The following USP8 variants were observed in gnomAD, a reference collection of about 807,000 sequenced individuals.
USP8 encodes the protein ubiquitin carboxyl-terminal hydrolase 8.
Under a neutral mutation model 130.0 loss-of-function variants are expected in USP8, and 27 were observed. The ratio of observed to expected loss-of-function variants is 0.21; its 90% CI spans 0.15 to 0.29. The LOEUF (loss-of-function observed/expected upper bound fraction) is 0.29, where lower values mean the gene tolerates loss of function less well. USP8 is among the 10% of genes least tolerant of loss of function. The probability of loss-of-function intolerance (pLI) is 1.00; values close to 1 mark genes in which losing one functional copy is unlikely to be tolerated. For synonymous variants in USP8, 392 were observed against 444.1 expected, an observed-to-expected ratio of 0.88 and a Z score of 1.48; for missense variants, 1,029 against 1,312.2, an observed-to-expected ratio of 0.78 and a Z score of 3.33.
intron 4 of USP8, among the ~76,000 whole-genome samples, chr15:50,449,710 T>C (rs578182009): frequency 6.2e-4 from 93 of 151,180 alleles, no homozygotes; most frequent in African/African-American, 2.2e-3. Context: ...ACCTCCCAAG[T>C]AGCTGGGACT....
rs1008188664 is a variant in USP8 at position 50,462,144 on chromosome 15, C to G, written c.499-136C>G. Reference sequence around the variant, plus strand: ...ACCTTTTAATATCATTATTATTCGTCTGCGTTTTTATAAAAGGCCAGTACT... The same window carrying G: ...ACCTTTTAATATCATTATTATTCGTGTGCGTTTTTATAAAAGGCCAGTACT... On this transcript the variant is annotated intron_variant, in intron 5 of 19. Coordinates refer to ENST00000307179, the MANE Select transcript of USP8 (RefSeq NM_005154.5). 4 of 622,038 alleles carry G rather than the reference C, an allele frequency of 6.4e-6. No homozygotes were observed. The South Asian group carries it at 8.9e-5, about 14-fold the overall frequency. The allele number at this position is 622,038 out of a possible 1,614,324, so 38.5% of individuals were successfully genotyped here. A position where few individuals can be genotyped will look rare whatever the true frequency, so the allele number is the denominator to read the frequency against.
At chr15:50,480,460 C>T (rs573884598) in intron 10 of USP8, among the ~76,000 whole-genome samples, 29 of 152,044 alleles carry the variant, frequency 1.9e-4, no homozygotes, top group Admixed American at 5.2e-4. Flanking sequence ...ATCAGAATTC[C>T]GGTAGAGAAG....
chr15:50,441,001 CA>C (rs34390770), intron 2 of USP8, among the ~76,000 whole-genome samples: 40,913 of 135,254 alleles, frequency 0.3, 6,086 homozygotes, highest in African/African-American at 0.42. Context: ...GACCCCATCT[CA>C]AAAAAAAAAA....
intron 4 of USP8, among the ~76,000 whole-genome samples, chr15:50,457,324 G>A (rs1255055409): frequency 2.6e-5 from 4 of 152,004 alleles, no homozygotes; most frequent in Admixed American, 1.3e-4. Context: ...TTGGGAGGCC[G>A]AGGCAGGTGG....
chr15:50,473,315 TC>T (rs1447116282), intron 8 of USP8, among the ~76,000 whole-genome samples: 5 of 152,154 alleles, frequency 3.3e-5, no homozygotes, highest in African/African-American at 1.2e-4. Flanking sequence ...ACACATATTC[TC>T]TCATGTAATT....
intron 8 of USP8, 30 bp downstream of exon 8, chr15:50,471,825 A>C: frequency 6.2e-7 from 1 of 1,611,004 alleles, no homozygotes; most frequent in Non-Finnish European, 8.5e-7. Flanking sequence ...AGTTTATTGT[A>C]ATTGCAGGGC....
intron 7 of USP8, among the ~76,000 whole-genome samples, 186 bp from the exon 8 acceptor site, chr15:50,471,447 A>C (rs1235896436): frequency 6.6e-6 from 1 of 152,236 alleles, no homozygotes; most frequent in South Asian, 2.1e-4. Context: ...AATATTATAC[A>C]GTAGTGAAGG....
chr15:50,450,445 T>TTTAGTCG (rs2050588990), intron 4 of USP8, among the ~76,000 whole-genome samples: 2 of 151,404 alleles, frequency 1.3e-5, no homozygotes, highest in South Asian at 4.2e-4. Context: ...TGTTTCAGTT[T>TTTAGTCG]TTAGTCGTTA....
intron 4 of USP8, among the ~76,000 whole-genome samples, chr15:50,450,780 G>T (rs3098205): frequency 0.54 from 82,122 of 151,938 alleles, 22,983 homozygotes; most frequent in African/African-American, 0.69. Context: ...CATTAGTCAT[G>T]CTTTAAAATT....
Position 50,432,112 on chromosome 15 carries a change from A to G in USP8, c.-65-6897A>G, listed in dbSNP as rs1003070837. ...CCCATTACTGTATTTAAGGAATGAT[A>G]TAGATCACAAGCATTGTAGGATTCA... On this transcript the variant is annotated intron_variant, in intron 1 of 19. Transcript: ENST00000307179. Among the ~76,000 whole-genome samples, 6 of 152,210 alleles carry G rather than the reference A, an allele frequency of 3.9e-5. No homozygotes were observed. The South Asian group carries it at 6.2e-4, about 16-fold the overall frequency.
rs1023166561 is a variant in USP8, at chr15:50,514,218, T to G, written c.*15130T>G. 6.6e-6 allele frequency: 1 copy of G among 152,142 alleles called. No homozygotes were observed. Among genetic ancestry groups the G allele is most frequent in the Non-Finnish European group, 1.5e-5 (1 of 68,028 alleles). The allele number at this position is 152,142 out of a possible 1,614,324, so 9.4% of individuals were successfully genotyped here. A position where few individuals can be genotyped will look rare whatever the true frequency, so the allele number is the denominator to read the frequency against. On this transcript the variant is annotated 3_prime_UTR_variant, in exon 20 of 20. Coordinates refer to ENST00000307179, the MANE Select transcript of USP8 (RefSeq NM_005154.5). ...AAGCATAAAATCAGGCAAAAATCTA[T>G]AAATCTGTCCTGCCAGAAGTCAGTG...
At chr15:50,493,893 G>T in intron 15 of USP8, 177 bp from the exon 16 acceptor site, 1 of 805,788 alleles carries the variant, frequency 1.2e-6, no homozygotes, top group East Asian at 2.5e-5. Flanking sequence ...GAAGCTGAAG[G>T]GATGTAAGCA....
At chr15:50,437,367 C>T (rs975757988) in intron 1 of USP8, among the ~76,000 whole-genome samples, 2 of 152,156 alleles carry the variant, frequency 1.3e-5, no homozygotes, top group Admixed American at 6.5e-5. Context: ...AGTTTTACCT[C>T]ATTTATATCT....
intron 10 of USP8, among the ~76,000 whole-genome samples, chr15:50,481,262 G>A (rs561942664): frequency 2.0e-5 from 3 of 152,296 alleles, no homozygotes; most frequent in South Asian, 2.1e-4. Context: ...AGAATTGAAA[G>A]TGTTGAATCA....
At chr15:50,491,872 AT>A (rs928608887) in intron 14 of USP8, among the ~76,000 whole-genome samples, 39 of 147,708 alleles carry the variant, frequency 2.6e-4, no homozygotes, top group East Asian at 3.9e-4. Flanking sequence ...CAACTAAGGA[AT>A]TTTTTTTTTT....
chr15:50,453,355 ATAATT>A (rs2141271143), intron 4 of USP8, among the ~76,000 whole-genome samples: 1 of 152,314 alleles, frequency 6.6e-6, no homozygotes, highest in African/African-American at 2.4e-5. Context: ...GTAGAACTTT[ATAATT>A]TATTTTGAAA....
chr15:50,510,576 T>C lies in USP8; in HGVS notation c.*11488T>C, dbSNP rs2052722536. The C allele has an allele frequency of 6.6e-6, 1 of 152,176 alleles. No individual in the cohort carries two copies. Among genetic ancestry groups the C allele is most frequent in the African/African-American group, 2.4e-5 (1 of 41,442 alleles). 9.4% of individuals were successfully genotyped at this position (152,176 alleles called of 1,614,324 possible). ...ATATAATTCTGCTATTGTGGGTATG[T>C]AGAAGAATGTGGTTAAGGGATTATT... is the stretch of plus-strand genomic sequence containing the variant. On this transcript the variant is annotated 3_prime_UTR_variant, in exon 20 of 20. Coordinates refer to ENST00000307179, the MANE Select transcript of USP8 (RefSeq NM_005154.5).
At position 50,476,408 on chromosome 15, in the gene USP8, T is replaced by C. The variant is rs543640736; in HGVS notation, c.850-441T>C. 2.0e-5 allele frequency among the ~76,000 whole-genome samples: 3 copies of C among 152,266 alleles called. No homozygotes were observed. The South Asian group carries it at 6.2e-4, about 32-fold the overall frequency. ...TTATGCCGTTGCATTCCAACTTGGGTGATAGAGTGAGACCTTGTCAATCAG... is the reference window on the plus strand; with the variant it reads ...TTATGCCGTTGCATTCCAACTTGGGCGATAGAGTGAGACCTTGTCAATCAG... On this transcript the variant is annotated intron_variant, in intron 8 of 19. Transcript: ENST00000307179.
At chr15:50,497,697 C>CCTATAATAGAAGGAATAATGA (rs1390027680) in intron 18 of USP8, 2 of 152,098 alleles carry the variant, frequency 1.3e-5, no homozygotes, top group Admixed American at 1.3e-4. Context: ...AAGATCTAGT[C>CCTATAATAGAAGGAATAATGA]CTATAATAGA....
Sources: allele counts gnomAD v4.1 joint callset (sites outside exome capture counted in the v4.1 genomes callset), GRCh38; gene constraint gnomAD v4.1.1; transcripts MANE v1.5; gene names NCBI Gene and HGNC (gene_info 2026-07-23, HGNC 2026-07-21).